The following LPA variants were observed in gnomAD, a reference collection of about 807,000 sequenced individuals.
The protein encoded by LPA is lipoprotein(a).
Under a neutral mutation model 197.9 loss-of-function variants are expected in LPA, and 199 were observed. That is an observed-to-expected ratio of 1.01 (90% CI 0.90 to 1.13). The LOEUF (loss-of-function observed/expected upper bound fraction) is 1.13, where lower values mean the gene tolerates loss of function less well. Ranked by LOEUF, LPA falls within the 50% of genes most tolerant of loss-of-function variation. The probability of loss-of-function intolerance (pLI) is 0.00; values close to 1 mark genes in which losing one functional copy is unlikely to be tolerated. For synonymous variants in LPA, 715 were observed against 639.5 expected (o/e 1.12, Z -1.78); for missense variants, 1,853 against 1,785.8 (o/e 1.04, Z -0.68).
chr6:160,563,350 G>T (rs1012382431), intron 28 of LPA, among the ~76,000 whole-genome samples: 1 of 152,152 alleles, frequency 6.6e-6, no homozygotes, highest in Non-Finnish European at 1.5e-5. Flanking sequence ...GGAGCAGGTT[G>T]TTCAGTTTCC....
intron 24 of LPA, 50 bp from the exon 25 acceptor site, chr6:160,586,680 C>T: frequency 1.2e-6 from 2 of 1,611,142 alleles, no homozygotes; most frequent in Non-Finnish European, 1.7e-6. Flanking sequence ...GAAGATACAG[C>T]ACCACCTGGC....
intron 1 of LPA, among the ~76,000 whole-genome samples, chr6:160,652,137 A>G (rs548574982): frequency 1.8e-4 from 27 of 152,136 alleles, no homozygotes; most frequent in Admixed American, 1.5e-3. Flanking sequence ...AAAAAACAAA[A>G]CAGTAGAATA....
intron 2 of LPA, among the ~76,000 whole-genome samples, chr6:160,649,078 T>C (rs1350024639): frequency 6.6e-6 from 1 of 152,216 alleles, no homozygotes; most frequent in Non-Finnish European, 1.5e-5. Context: ...GACTTGGACA[T>C]CATTCTGATG....
intron 19 of LPA, among the ~76,000 whole-genome samples, chr6:160,600,360 C>T (rs1270307027): frequency 6.6e-6 from 1 of 152,182 alleles, no homozygotes; most frequent in Non-Finnish European, 1.5e-5. Context: ...AAAAATCACT[C>T]CCTTCAAAGC....
intron 29 of LPA, 24 bp from the exon 30 acceptor site, chr6:160,556,208 G>A: frequency 1.2e-6 from 2 of 1,612,688 alleles, no homozygotes; most frequent in Non-Finnish European, 1.7e-6. Context: ...AAATCAAGCT[G>A]AGTAACTACT....
chr6:160,648,920 T>C (rs10945683), intron 2 of LPA, among the ~76,000 whole-genome samples: 60,872 of 151,930 alleles, frequency 0.4, 12,502 homozygotes, highest in African/African-American at 0.49. Flanking sequence ...CTGATTTTCC[T>C]CCTGCTTGTG....
chr6:160,547,867 C>T lies in LPA; in HGVS notation c.5226G>A (p.Gln1742=). 1 of 1,614,124 alleles carries T rather than the reference C, an allele frequency of 6.2e-7. No individual in the cohort carries two copies. Among genetic ancestry groups the T allele is most frequent in the Non-Finnish European group, 8.5e-7 (1 of 1,180,024 alleles). Reference sequence around the variant, plus strand: ...TATGGGGCTCCTGGGCAGCCCATTCCTGGCATGGCGTCCCAGTAACAGTGG... The same window carrying T: ...TATGGGGCTCCTGGGCAGCCCATTCTTGGCATGGCGTCCCAGTAACAGTGG... The part of the protein sequence containing the change: ...KATTVTGTPC[Q]EWAAQEPHRH... Residue 1742 remains glutamine (Q), a synonymous_variant, in exon 32 of 39, where the codon CAG becomes CAA. Coordinates refer to ENST00000316300, the MANE Select transcript of LPA (RefSeq NM_005577.4).
chr6:160,576,289 C>T (rs1778657067), intron 28 of LPA, among the ~76,000 whole-genome samples: 1 of 140,924 alleles, frequency 7.1e-6, no homozygotes, highest in Non-Finnish European at 1.5e-5. Flanking sequence ...ACCACTGGTG[C>T]TTCAGGCCCA....
chr6:160,634,749 G>A (rs1290102655), intron 7 of LPA, among the ~76,000 whole-genome samples: 1 of 151,754 alleles, frequency 6.6e-6, no homozygotes, highest in Non-Finnish European at 1.5e-5. Flanking sequence ...GCTGAAGATT[G>A]CACTGACTGC....
At chr6:160,539,896 A>C (rs1777953387) in intron 36 of LPA, 147 bp downstream of exon 36, 2 of 1,058,858 alleles carry the variant, frequency 1.9e-6, no homozygotes, top group East Asian at 5.0e-5. Flanking sequence ...CTGGGGTTGA[A>C]GATTGATGCT....
In LPA at chr6:160,591,007, G is replaced by C. The variant is rs768922928; in HGVS notation, c.3724C>G (p.Leu1242Val). ...DPNVRWEYCN[L>V]TQCPVTESSV... ...GATTCTGTCACTGGACATTGTGTCA[G>C]GTTGCAGTACTCCCATCTGACATTG... Residue 1242 changes from leucine to valine, a missense_variant, in exon 23 of 39, where the codon CTG becomes GTG. Coordinates refer to ENST00000316300, the MANE Select transcript of LPA (RefSeq NM_005577.4). 2.5e-6 allele frequency: 4 copies of C among 1,613,896 alleles called. No individual in the cohort carries two copies. Among genetic ancestry groups the C allele is most frequent in the African/African-American group, 2.7e-5 (2 of 74,920 alleles).
At chr6:160,571,631 C>T (rs562748965) in intron 28 of LPA, among the ~76,000 whole-genome samples, 2 of 152,228 alleles carry the variant, frequency 1.3e-5, no homozygotes. Context: ...AGCTGCAGTG[C>T]ACCCTGCCCA....
chr6:160,573,588 G>T (rs1049280700), intron 28 of LPA, among the ~76,000 whole-genome samples: 6 of 152,154 alleles, frequency 3.9e-5, no homozygotes, highest in African/African-American at 1.4e-4. Context: ...GAAGGCTGTT[G>T]TTCAGATGTT....
intron 18 of LPA, among the ~76,000 whole-genome samples, chr6:160,601,514 G>A (rs1266534508): frequency 6.6e-6 from 1 of 152,106 alleles, no homozygotes; most frequent in Non-Finnish European, 1.5e-5. Context: ...TCTCTGTGTA[G>A]GACTTCATAT....
chr6:160,584,586 C>A lies in LPA; in HGVS notation c.4289+460G>T, dbSNP rs554901533. Among the ~76,000 whole-genome samples, 4 of 152,170 alleles carry A rather than the reference C, an allele frequency of 2.6e-5. No homozygotes were observed. In the South Asian group the frequency reaches 8.3e-4, roughly 32 times the overall value. ...ACCTCTGGTGATCTGCCCGTCTTGTCCTCCCAAAGTGTTGGGATCACAGGC... is the reference window on the plus strand; with the variant it reads ...ACCTCTGGTGATCTGCCCGTCTTGTACTCCCAAAGTGTTGGGATCACAGGC... On this transcript the variant is annotated intron_variant, in intron 26 of 38. Coordinates refer to ENST00000316300, the MANE Select transcript of LPA (RefSeq NM_005577.4).
At chr6:160,662,579 C>G (rs1297548343) in intron 1 of LPA, among the ~76,000 whole-genome samples, 1 of 152,118 alleles carries the variant, frequency 6.6e-6, no homozygotes, top group South Asian at 2.1e-4. Flanking sequence ...TGGGTGTAGC[C>G]TGCTGAATAA....
intron 30 of LPA, among the ~76,000 whole-genome samples, chr6:160,553,705 T>C (rs1360167209): frequency 1.3e-5 from 2 of 152,222 alleles, no homozygotes; most frequent in Non-Finnish European, 2.9e-5. Context: ...TTAAAAATAC[T>C]ATTTCTGATT....
intron 16 of LPA, among the ~76,000 whole-genome samples, chr6:160,607,201 C>A (rs1483984419): frequency 1.3e-5 from 2 of 152,084 alleles, no homozygotes; most frequent in Non-Finnish European, 2.9e-5. Flanking sequence ...CGCGAAAAGG[C>A]TCTACTTTTC....
chr6:160,577,164 G>C lies in LPA; in HGVS notation c.4603C>G (p.Gln1535Glu). 1 of 1,613,832 alleles carries C rather than the reference G, an allele frequency of 6.2e-7. No individual in the cohort carries two copies. The highest frequency in any genetic ancestry group is 8.5e-7 in the Non-Finnish European group (1 of 1,179,828). The change falls in exon 28 of 39, where the codon CAG (glutamine) becomes GAG (glutamate). Residue 1535 changes from glutamine (Q) to glutamate (E), a missense_variant. Transcript: ENST00000316300. ...SWSSMIPHWH[Q>E]RTPENYPNAG... ...TTTGGGTAGTTTTCTGGGGTCCTCT[G>C]ATGCCAGTGTGGTATCATAGATGAC... is the stretch of plus-strand genomic sequence containing the variant.
Sources: allele counts gnomAD v4.1 joint callset (sites outside exome capture counted in the v4.1 genomes callset), GRCh38; gene constraint gnomAD v4.1.1; transcripts MANE v1.5; gene names NCBI Gene and HGNC (gene_info 2026-07-23, HGNC 2026-07-21).